The following DNAJC1 variants were observed in gnomAD, a reference collection of about 807,000 sequenced individuals.
DNAJC1 encodes the protein dnaJ homolog subfamily C member 1.
DNAJC1 carries 58 observed loss-of-function variants against 76.6 expected under a neutral mutation model. That is an observed-to-expected ratio of 0.76 (90% confidence interval 0.61 to 0.94). DNAJC1 has a LOEUF of 0.94. Among genes scored for constraint, DNAJC1 ranks in the 40% least tolerant of loss-of-function variants. The pLI is 0.00. For missense variants in DNAJC1, 689 were observed against 677.3 expected, an observed-to-expected ratio of 1.02 and a Z score of -0.19; for synonymous variants, 258 against 267.9, an observed-to-expected ratio of 0.96 and a Z score of 0.36.
In DNAJC1 at chr10:21,756,717, C is replaced by A. The variant is rs372579770; in HGVS notation, c.1635G>T (p.Leu545=). ...TTTTAGCTTGTTTTTTCTTTTGGAC[C>A]AGTTCAACCAGCAACTTGTACCTAG... The part of the protein sequence containing the change: ...CIARYKLLVE[L]VQKKKQAKS Residue 545 remains leucine (L), a synonymous_variant, in exon 12 of 12, where the codon CTG becomes CTT. Coordinates refer to ENST00000376980, the MANE Select transcript of DNAJC1 (RefSeq NM_022365.4). 2 of 1,613,550 alleles carry A rather than the reference C, an allele frequency of 1.2e-6. No individual in the cohort carries two copies. The highest frequency in any genetic ancestry group is 2.7e-5 in the African/African-American group (2 of 74,890).
intron 8 of DNAJC1, among the ~76,000 whole-genome samples, chr10:21,834,185 A>G (rs959535980): frequency 6.6e-5 from 10 of 152,178 alleles, no homozygotes; most frequent in African/African-American, 2.4e-4. Flanking sequence ...AATGGCGTCA[A>G]CCTGGGAGGT....
chr10:21,802,392 T>A (rs766308364), intron 9 of DNAJC1, among the ~76,000 whole-genome samples: 1 of 152,166 alleles, frequency 6.6e-6, no homozygotes, highest in Non-Finnish European at 1.5e-5. Flanking sequence ...TTATTTTCCA[T>A]GGAACAGTCC....
Position 21,900,063 on chromosome 10 carries a change from C to T in DNAJC1, c.820+4459G>A, listed in dbSNP as rs1011388279. ...ACTTTCAGAAATTTTCTTCAATAGG[C>T]TGGGTGCAGCAGCTCACACCTGTAA... On this transcript the variant is annotated intron_variant, in intron 7 of 11. Coordinates refer to ENST00000376980, the MANE Select transcript of DNAJC1 (RefSeq NM_022365.4). Among the ~76,000 whole-genome samples, 3 of 152,246 alleles carry T rather than the reference C, an allele frequency of 2.0e-5. No individual in the cohort carries two copies. In the East Asian group the frequency reaches 5.8e-4, roughly 29 times the overall value.
intron 9 of DNAJC1, among the ~76,000 whole-genome samples, chr10:21,798,885 A>C (rs1346264595): frequency 6.6e-6 from 1 of 152,206 alleles, no homozygotes; most frequent in African/African-American, 2.4e-5. Flanking sequence ...AAGGGCTCAT[A>C]TGAACACACA....
intron 8 of DNAJC1, among the ~76,000 whole-genome samples, chr10:21,846,055 A>C (rs1444604951): frequency 6.6e-6 from 1 of 152,234 alleles, no homozygotes; most frequent in South Asian, 2.1e-4. Flanking sequence ...CCATGATCCA[A>C]TTAAAGGTAG....
intron 8 of DNAJC1, among the ~76,000 whole-genome samples, chr10:21,839,107 A>C (rs561259568): frequency 2.0e-5 from 3 of 152,366 alleles, no homozygotes; most frequent in African/African-American, 7.2e-5. Context: ...AGCAGTGTGT[A>C]GAGGGAAATT....
At chr10:21,837,479 C>T (rs865890238) in intron 8 of DNAJC1, among the ~76,000 whole-genome samples, 7 of 151,040 alleles carry the variant, frequency 4.6e-5, no homozygotes, top group Admixed American at 2.6e-4. Context: ...CGTCTCTGCC[C>T]GGCCGCCCAT....
chr10:21,842,255 A>G (rs570381793), intron 8 of DNAJC1, among the ~76,000 whole-genome samples: 1 of 143,050 alleles, frequency 7.0e-6, no homozygotes, highest in South Asian at 2.2e-4. Flanking sequence ...AATAAGAATT[A>G]AAAAAAAAAA....
At chr10:21,837,638 C>G (rs1488323599) in intron 8 of DNAJC1, among the ~76,000 whole-genome samples, 1 of 151,272 alleles carries the variant, frequency 6.6e-6, no homozygotes, top group Non-Finnish European at 1.5e-5. Flanking sequence ...CGCCCGGCAG[C>G]CACCCTGTCT....
intron 7 of DNAJC1, among the ~76,000 whole-genome samples, chr10:21,885,432 G>A (rs1411797465): frequency 1.3e-5 from 2 of 152,040 alleles, no homozygotes; most frequent in Admixed American, 1.3e-4. Flanking sequence ...ACAGATCACT[G>A]AGGCAGAAAA....
intron 1 of DNAJC1, among the ~76,000 whole-genome samples, chr10:21,984,889 T>C (rs75339011): frequency 0.017 from 2,632 of 152,308 alleles, 182 homozygotes; most frequent in East Asian, 0.15. Flanking sequence ...TTACACACAG[T>C]TGTGTCTGTG....
chr10:21,990,045 T>A (rs1189968555), intron 1 of DNAJC1, among the ~76,000 whole-genome samples: 7 of 152,222 alleles, frequency 4.6e-5, no homozygotes, highest in African/African-American at 1.7e-4. Context: ...AATGACAGGT[T>A]TGAAGCAGAT....
At chr10:21,764,836 T>C (rs934546602) in intron 10 of DNAJC1, among the ~76,000 whole-genome samples, 5 of 152,230 alleles carry the variant, frequency 3.3e-5, no homozygotes, top group African/African-American at 1.2e-4. Flanking sequence ...TGTGGCCAAA[T>C]ATCACATCGG....
At chr10:21,852,629 G>T (rs773750570) in intron 8 of DNAJC1, among the ~76,000 whole-genome samples, 3 of 152,140 alleles carry the variant, frequency 2.0e-5, no homozygotes, top group Admixed American at 2.0e-4. Flanking sequence ...ACTGGTGGAT[G>T]TATAAATTGG....
chr10:21,881,657 A>G (rs1288927404), intron 8 of DNAJC1, among the ~76,000 whole-genome samples: 14 of 152,028 alleles, frequency 9.2e-5, no homozygotes, highest in Admixed American at 9.2e-4. Flanking sequence ...TACCCCAAAT[A>G]ATTATAACAG....
intron 8 of DNAJC1, among the ~76,000 whole-genome samples, chr10:21,840,172 T>C (rs976275218): frequency 1.3e-5 from 2 of 152,162 alleles, no homozygotes; most frequent in African/African-American, 2.4e-5. Flanking sequence ...ACTGGAAGCA[T>C]TCCCTTTGAA....
chr10:21,766,546 C>T (rs1463023949), intron 9 of DNAJC1, among the ~76,000 whole-genome samples: 1 of 152,214 alleles, frequency 6.6e-6, no homozygotes, highest in Non-Finnish European at 1.5e-5. Context: ...AGGACAAGAA[C>T]TCACATCCCT....
At chr10:21,883,117 G>T (rs1692567192) in intron 7 of DNAJC1, among the ~76,000 whole-genome samples, 1 of 152,082 alleles carries the variant, frequency 6.6e-6, no homozygotes, top group South Asian at 2.1e-4. Flanking sequence ...GCGTGTGGTG[G>T]TACATGCATG....
intron 1 of DNAJC1, among the ~76,000 whole-genome samples, chr10:21,943,744 C>T (rs527695134): frequency 6.6e-6 from 1 of 152,132 alleles, no homozygotes; most frequent in Non-Finnish European, 1.5e-5. Context: ...GAGCATAGTA[C>T]CCCTGCCCAA....
Sources: allele counts gnomAD v4.1 joint callset (sites outside exome capture counted in the v4.1 genomes callset), GRCh38; gene constraint gnomAD v4.1.1; transcripts MANE v1.5; gene names NCBI Gene and HGNC (gene_info 2026-07-23, HGNC 2026-07-21).